Variants in PCDHGB3 observed in about 807,000 individuals in gnomAD.
PCDHGB3 encodes the protein protocadherin gamma-B3.
PCDHGB3 carries 40 observed loss-of-function variants against 59.2 expected under a neutral mutation model. The observed-to-expected ratio is 0.68, with a 90% CI of 0.52 to 0.88. The LOEUF is 0.88. Ranked by LOEUF, PCDHGB3 falls within the 40% of genes least tolerant of loss-of-function variation. The pLI, the probability that PCDHGB3 is intolerant of heterozygous loss-of-function variation, is 0.00. For synonymous variants in PCDHGB3, 581 were observed against 503.6 expected, an observed-to-expected ratio of 1.15 and a Z score of -2.06; for missense variants, 1,309 against 1,187.9, an observed-to-expected ratio of 1.10 and a Z score of -1.50.
chr5:141,485,980 G>C lies in PCDHGB3; in HGVS notation c.2416-8827G>C, dbSNP rs151239937. 1 of 1,614,020 alleles carries C rather than the reference G, an allele frequency of 6.2e-7. No individual in the cohort carries two copies. The highest frequency in any genetic ancestry group is 1.3e-5 in the African/African-American group (1 of 74,914). The stretch of plus-strand genomic sequence containing the variant: ...TCATCCAGCTCAATGCCTCAGACCC[G>C]GACCTGGGTCCCAGTGGTAACGTCA... On this transcript the variant is annotated intron_variant, in intron 1 of 3. Transcript: ENST00000576222. The surrounding 1 kb of genome is among the most constrained non-coding windows in gnomAD (Gnocchi z 5.7).
rs1248191692 is a variant in PCDHGB3, at chr5:141,419,519, G to T, written c.2415+46710G>T. The T allele has an allele frequency of 1.9e-6, 3 of 1,612,180 alleles. No homozygotes were observed. Among genetic ancestry groups the T allele is most frequent in the Non-Finnish European group, 1.7e-6 (2 of 1,179,504 alleles). ...TGTGAGCCTGCGCGTGTTGGTGGGC[G>T]ACCGTAACGACAACGCACCGCGGGT... On this transcript the variant is annotated intron_variant, in intron 1 of 3. Coordinates refer to ENST00000576222, the MANE Select transcript of PCDHGB3 (RefSeq NM_018924.5).
chr5:141,418,542 T>G, intron 1 of PCDHGB3: 1 of 1,614,028 alleles, frequency 6.2e-7, no homozygotes, highest in Non-Finnish European at 8.5e-7. Flanking sequence ...ACTGCTCAGA[T>G]AAGAATCCTG....
intron 1 of PCDHGB3, chr5:141,478,131 A>G (rs747801474): frequency 6.2e-7 from 1 of 1,614,064 alleles, no homozygotes; most frequent in Non-Finnish European, 8.5e-7. Flanking sequence ...GACTCTCCTG[A>G]AGCCCGAGCC....
Position 141,477,707 on chromosome 5 carries a change from C to T in PCDHGB3, c.2416-17100C>T. ...AGTGCCCCTAGACTATGAGGATCGG[C>T]GGGAATTTGAATTAACAGCTCATAT... On this transcript the variant is annotated intron_variant, in intron 1 of 3. Transcript: ENST00000576222. The surrounding 1 kb of genome is among the most constrained non-coding windows in gnomAD (Gnocchi z 4.9). 6.2e-7 allele frequency: 1 copy of T among 1,613,952 alleles called. No individual in the cohort carries two copies. Among genetic ancestry groups the T allele is most frequent in the South Asian group, 1.1e-5 (1 of 91,086 alleles).
intron 1 of PCDHGB3, among the ~76,000 whole-genome samples, chr5:141,450,829 ATTT>A (rs373424450): frequency 7.4e-6 from 1 of 135,126 alleles, no homozygotes; most frequent in African/African-American, 2.7e-5. Flanking sequence ...TATTATTATT[ATTT>A]TTTTTTTTTT....
intron 1 of PCDHGB3, chr5:141,396,140 G>A (rs1199993001): frequency 2.0e-5 from 3 of 152,178 alleles, no homozygotes; most frequent in Non-Finnish European, 4.4e-5. Flanking sequence ...TTCTAAATAA[G>A]CTGATCAATT....
intron 1 of PCDHGB3, among the ~76,000 whole-genome samples, chr5:141,447,542 T>G (rs980012061): frequency 1.3e-5 from 2 of 152,216 alleles, no homozygotes; most frequent in African/African-American, 4.8e-5. Context: ...TGGGTTTTAA[T>G]GTTATGAGTA....
intron 1 of PCDHGB3, chr5:141,404,600 C>G (rs1406207982): frequency 6.2e-7 from 1 of 1,613,938 alleles, no homozygotes; most frequent in Non-Finnish European, 8.5e-7. Flanking sequence ...GTCATTGAGA[C>G]TGTTTGTTTT....
Position 141,490,148 on chromosome 5 carries a change from A to T in PCDHGB3, c.2416-4659A>T. On this transcript the variant is annotated intron_variant, in intron 1 of 3. Transcript: ENST00000576222. This position sits in a 1 kb window ranked among gnomAD's most constrained non-coding sequence, Gnocchi z 5.4. The stretch of plus-strand genomic sequence containing the variant: ...CTAGACCCTAGCAGTGGGGCAATCC[A>T]TGTGTTGGGTCCCATAGACTTTGAG... The T allele has an allele frequency of 6.2e-7, 1 of 1,614,232 alleles. No homozygotes were observed. The highest frequency in any genetic ancestry group is 1.3e-5 in the African/African-American group (1 of 75,068).
chr5:141,480,429 T>A (rs72790066), intron 1 of PCDHGB3, among the ~76,000 whole-genome samples: 9,317 of 151,926 alleles, frequency 0.061, 335 homozygotes, highest in South Asian at 0.12. Context: ...AAAAAAATTA[T>A]CAGCTATTAC....
chr5:141,393,303 G>A (rs1305361582), intron 1 of PCDHGB3: 5 of 1,613,646 alleles, frequency 3.1e-6, no homozygotes, highest in Non-Finnish European at 3.4e-6. Context: ...GGATGTGGGC[G>A]TGAACTCCCT....
At chr5:141,405,227 C>A (rs562247940) in intron 1 of PCDHGB3, 1 of 1,614,114 alleles carries the variant, frequency 6.2e-7, no homozygotes. Context: ...GGAGTTCTCC[C>A]TCACCGCTGA....
At position 141,502,866 on chromosome 5, in the gene PCDHGB3, C is replaced by CTTTTTTTTTTT. The variant is rs549047197; in HGVS notation, c.2475-2523_2475-2513dup. Among the ~76,000 whole-genome samples the CTTTTTTTTTTT allele has an allele frequency of 4.4e-4, 56 of 128,014 alleles. 1 individual carries two copies. The highest frequency in any genetic ancestry group is 5.1e-4 in the Non-Finnish European group (32 of 62,412). The allele number at this position is 128,014 out of a possible 152,430, so 84.0% of individuals were successfully genotyped here. ...GAGCTGCCTAACCCTGACTCTCTGTCTTTTTTTTTTTTTTGACAGGGAGTC... is the reference window on the plus strand; with the variant it reads ...GAGCTGCCTAACCCTGACTCTCTGTCTTTTTTTTTTTTTTTTTTTTTTTTTGACAGGGAGTC... On this transcript the variant is annotated intron_variant, in intron 2 of 3. Coordinates refer to ENST00000576222, the MANE Select transcript of PCDHGB3 (RefSeq NM_018924.5).
In PCDHGB3 at chr5:141,491,731, C is replaced by T. The variant is rs1198438920; in HGVS notation, c.2416-3076C>T. ...GGGCTCGGCGCCGCCCCGGGCGACC[C>T]CTGGGGGCGGCACTGGAGAAGCCGC... On this transcript the variant is annotated intron_variant, in intron 1 of 3. Coordinates refer to ENST00000576222, the MANE Select transcript of PCDHGB3 (RefSeq NM_018924.5). The surrounding 1 kb of genome is among the most constrained non-coding windows in gnomAD (Gnocchi z 6.9). 1 of 1,603,678 alleles carries T rather than the reference C, an allele frequency of 6.2e-7. No homozygotes were observed. Among genetic ancestry groups the T allele is most frequent in the Non-Finnish European group, 8.5e-7 (1 of 1,175,748 alleles).
intron 1 of PCDHGB3, among the ~76,000 whole-genome samples, chr5:141,494,338 ACAG>A (rs2099753688): frequency 6.6e-6 from 1 of 152,224 alleles, no homozygotes; most frequent in African/African-American, 2.4e-5. Flanking sequence ...GTTACCAAGA[ACAG>A]CAGCCATCTT....
intron 1 of PCDHGB3, chr5:141,398,508 T>C: frequency 6.2e-7 from 1 of 1,601,476 alleles, no homozygotes; most frequent in Admixed American, 1.7e-5. Context: ...AGGACATTAA[T>C]GACCACACGC....
At chr5:141,437,312 G>T (rs2097875410) in intron 1 of PCDHGB3, among the ~76,000 whole-genome samples, 1 of 152,176 alleles carries the variant, frequency 6.6e-6, no homozygotes, top group South Asian at 2.1e-4. Context: ...AAAGCGTTCA[G>T]CTATAATTTA....
At chr5:141,505,616 C>T in intron 3 of PCDHGB3, 135 bp downstream of exon 3, 2 of 1,503,162 alleles carry the variant, frequency 1.3e-6, no homozygotes, top group South Asian at 1.3e-5. Flanking sequence ...CTGAAAGGAC[C>T]CACAATTCCA....
At chr5:141,426,448 C>T (rs1289310586) in intron 1 of PCDHGB3, 4 of 307,946 alleles carry the variant, frequency 1.3e-5, no homozygotes, top group Middle Eastern at 1.2e-3. Context: ...GGAGGACATG[C>T]GGCTGCATGT....
Sources: gnomAD v4.1 joint callset for allele counts (sites outside exome capture counted in the v4.1 genomes callset) on GRCh38, gnomAD v4.1.1 for gene constraint, Gnocchi (gnomAD v3.1) non-coding constraint, MANE v1.5 for transcripts, NCBI Gene and HGNC (gene_info 2026-07-23, HGNC 2026-07-21) for gene names.